ARHGEF10L: variants seen among roughly 807,000 people sequenced by gnomAD.
ARHGEF10L encodes Rho guanine nucleotide exchange factor 10 like.
In ARHGEF10L, 69 loss-of-function variants were observed where a neutral mutation model predicts 141.2. The ratio of observed to expected loss-of-function variants is 0.49; its 90% CI spans 0.40 to 0.60. The LOEUF (loss-of-function observed/expected upper bound fraction) is 0.60, where lower values mean the gene tolerates loss of function less well. ARHGEF10L is among the 20% of genes least tolerant of loss of function. ARHGEF10L has a pLI of 0.00. For missense variants in ARHGEF10L, 1,482 were observed against 1,734.3 expected, an observed-to-expected ratio of 0.85 and a Z score of 2.58; for synonymous variants, 711 against 718.5, an observed-to-expected ratio of 0.99 and a Z score of 0.17.
intron 10 of ARHGEF10L, among the ~76,000 whole-genome samples, chr1:17,620,661 G>A (rs1318694189): frequency 1.3e-5 from 2 of 152,146 alleles, no homozygotes; most frequent in Non-Finnish European, 2.9e-5. Context: ...AGCAGAGGGA[G>A]TAGGGCAGGG....
In ARHGEF10L at chr1:17,588,695, A is replaced by G. The variant is rs373300588; in HGVS notation, c.257+216A>G. On this transcript the variant is annotated intron_variant, in intron 4 of 28. Coordinates refer to ENST00000361221, the MANE Select transcript of ARHGEF10L (RefSeq NM_018125.4). ...TTTGCCCACAAACCTCTGAAACCGC[A>G]GGAGGCAGGCCTGGCTCCAAACCCT... Among the ~76,000 whole-genome samples, 5 of 152,064 alleles carry G rather than the reference A, an allele frequency of 3.3e-5. 1 individual carries two copies.
chr1:17,598,973 T>C (rs1467133480), intron 4 of ARHGEF10L, among the ~76,000 whole-genome samples: 1 of 152,138 alleles, frequency 6.6e-6, no homozygotes, highest in Non-Finnish European at 1.5e-5. Context: ...TTCTGGGTAA[T>C]TGAAACTTTG....
chr1:17,659,686 T>A (rs2102088794), intron 25 of ARHGEF10L, among the ~76,000 whole-genome samples: 1 of 152,350 alleles, frequency 6.6e-6, no homozygotes, highest in East Asian at 1.9e-4. Context: ...TAGAAGCAGG[T>A]ACTCCATGAA....
chr1:17,632,278 C>G, intron 15 of ARHGEF10L, 43 bp from the exon 16 acceptor site: 1 of 1,607,216 alleles, frequency 6.2e-7, no homozygotes, highest in East Asian at 2.2e-5. Flanking sequence ...GTAAAGCCGC[C>G]GGGCCGCGAT....
At chr1:17,532,596 C>CT in the ARHGEF10L span, among the ~76,000 whole-genome samples, 70,851 of 137,474 alleles carry the variant, frequency 0.52, 18,964 homozygotes, top group East Asian at 0.75. Flanking sequence ...CACCCTTGAT[C>CT]TTTTTTTTTT....
At chr1:17,552,138 C>A (rs935599955) in intron 1 of ARHGEF10L, among the ~76,000 whole-genome samples, 3 of 152,132 alleles carry the variant, frequency 2.0e-5, no homozygotes, top group Non-Finnish European at 4.4e-5. Flanking sequence ...TAACAGGTCA[C>A]ATGAGGCCAG....
At chr1:17,692,210 A>G (rs1443621915) in intron 27 of ARHGEF10L, among the ~76,000 whole-genome samples, 8 of 152,126 alleles carry the variant, frequency 5.3e-5, no homozygotes. Context: ...TGTTTGTGAA[A>G]TAGCCCCTGT....
At chr1:17,659,032 C>T (rs1238021432) in intron 25 of ARHGEF10L, among the ~76,000 whole-genome samples, 1 of 152,060 alleles carries the variant, frequency 6.6e-6, no homozygotes, top group Non-Finnish European at 1.5e-5. Context: ...TGGCACTGGG[C>T]GTGACCCGGG....
upstream of ARHGEF10L, among the ~76,000 whole-genome samples, chr1:17,535,397 A>G (rs1404203947): frequency 6.6e-6 from 1 of 152,228 alleles, no homozygotes; most frequent in African/African-American, 2.4e-5. Flanking sequence ...AACAGGCCAC[A>G]GCCTGGTTCT....
Position 17,658,313 on chromosome 1 carries a change from C to T in ARHGEF10L, c.2860+1605C>T, listed in dbSNP as rs1375765697. Among the ~76,000 whole-genome samples the T allele has an allele frequency of 2.0e-5, 3 of 152,262 alleles. No individual in the cohort carries two copies. The East Asian group carries it at 5.8e-4, about 29-fold the overall frequency. ...GGACCTCAACATACAGATGAGGAGG[C>T]ACAGTTTACCCCAAAACATGGGGTT... On this transcript the variant is annotated intron_variant, in intron 25 of 28. Coordinates refer to ENST00000361221, the MANE Select transcript of ARHGEF10L (RefSeq NM_018125.4).
rs2062116149 is a variant in ARHGEF10L at position 17,654,577 on chromosome 1, A to G, written c.2395-59A>G. 5 of 1,471,288 alleles carry G rather than the reference A, an allele frequency of 3.4e-6. No homozygotes were observed. The Admixed American group carries it at 8.4e-5, about 25-fold the overall frequency. The allele number at this position is 1,471,288 out of a possible 1,614,324, so 91.1% of individuals were successfully genotyped here. A position where few individuals can be genotyped will look rare whatever the true frequency, so the allele number is the denominator to read the frequency against. ...TGGATGGGGCCCAGGAATCTGCCAA[A>G]TATTGGCATCTGGGCACCTTGATGA... On this transcript the variant is annotated intron_variant, in intron 22 of 28. Coordinates refer to ENST00000361221, the MANE Select transcript of ARHGEF10L (RefSeq NM_018125.4). This position sits in a 1 kb window ranked among gnomAD's most constrained non-coding sequence, Gnocchi z 4.3.
the ARHGEF10L span, among the ~76,000 whole-genome samples, chr1:17,518,317 AGT>A: frequency 6.6e-6 from 1 of 151,970 alleles, no homozygotes; most frequent in Non-Finnish European, 1.5e-5. Flanking sequence ...CTGATCCGTG[AGT>A]GTGTTGAGGG....
rs112649839 is a variant in ARHGEF10L at position 17,621,377 on chromosome 1, C to T, written c.943-487C>T. On this transcript the variant is annotated intron_variant, in intron 10 of 28. Transcript: ENST00000361221. This position sits in a 1 kb window ranked among gnomAD's most constrained non-coding sequence, Gnocchi z 4.1. ...CCTCCAAAGTAGCTGGGACTATAGG[C>T]GCGTGCCACCACGCCCAGCTGATTT... is the stretch of plus-strand genomic sequence containing the variant. Among the ~76,000 whole-genome samples the T allele has an allele frequency of 7.2e-4, 109 of 152,198 alleles. 1 individual carries two copies. The highest frequency in any genetic ancestry group is 2.5e-3 in the African/African-American group (102 of 41,540).
the ARHGEF10L span, among the ~76,000 whole-genome samples, chr1:17,516,832 G>A: frequency 6.6e-6 from 1 of 152,182 alleles, no homozygotes; most frequent in Non-Finnish European, 1.5e-5. Flanking sequence ...AGGTGGAGCA[G>A]CCGGTTTCCA....
the ARHGEF10L span, among the ~76,000 whole-genome samples, chr1:17,530,084 C>T: frequency 3.9e-5 from 6 of 152,152 alleles, no homozygotes; most frequent in South Asian, 4.2e-4. Context: ...CCACTCACTT[C>T]GGCATTCCAA....
chr1:17,634,108 TTTAC>T, intron 16 of ARHGEF10L: 1 of 207,412 alleles, frequency 4.8e-6, no homozygotes, highest in Non-Finnish European at 9.7e-6. Context: ...CATTCATTCA[TTTAC>T]TCACTCACTC....
At chr1:17,531,627 A>G in the ARHGEF10L span, among the ~76,000 whole-genome samples, 1 of 152,288 alleles carries the variant, frequency 6.6e-6, no homozygotes, top group South Asian at 2.1e-4. Context: ...GGGCCTCTGT[A>G]AACGGGAGAG....
chr1:17,554,415 T>C (rs893285496), intron 1 of ARHGEF10L, among the ~76,000 whole-genome samples: 22 of 151,912 alleles, frequency 1.4e-4, no homozygotes, highest in African/African-American at 4.6e-4. Flanking sequence ...ACAGCAGAGC[T>C]AGAAGAGTTT....
At chr1:17,614,532 A>G (rs922140225) in intron 8 of ARHGEF10L, among the ~76,000 whole-genome samples, 1 of 152,148 alleles carries the variant, frequency 6.6e-6, no homozygotes, top group Non-Finnish European at 1.5e-5. Flanking sequence ...AGCACCACTG[A>G]TGGCTTTCTG....
Sources: allele counts gnomAD v4.1 joint callset (sites outside exome capture counted in the v4.1 genomes callset), GRCh38; gene constraint gnomAD v4.1.1; non-coding constraint Gnocchi (gnomAD v3.1); transcripts MANE v1.5; gene names NCBI Gene and HGNC (gene_info 2026-07-23, HGNC 2026-07-21).